CTNNAL1: variants seen among roughly 807,000 people sequenced by gnomAD.
CTNNAL1 encodes catenin alpha like 1.
Under a neutral mutation model 93.6 loss-of-function variants are expected in CTNNAL1, and 69 were observed. The ratio of observed to expected loss-of-function variants is 0.74; its 90% CI spans 0.61 to 0.90. The LOEUF (loss-of-function observed/expected upper bound fraction) is 0.90. Among genes scored for constraint, CTNNAL1 ranks in the 40% least tolerant of loss-of-function variants. The pLI is 0.00. For missense variants in CTNNAL1, 836 were observed against 862.0 expected (o/e 0.97, Z 0.38); for synonymous variants, 286 against 305.4 (o/e 0.94, Z 0.66).
chr9:109,012,886 G>C (rs1355085048), intron 1 of CTNNAL1, among the ~76,000 whole-genome samples: 1 of 152,168 alleles, frequency 6.6e-6, no homozygotes, highest in African/African-American at 2.4e-5. Flanking sequence ...TGACAAAGTC[G>C]GTTATCGTGG....
At chr9:108,943,869 A>G in intron 16 of CTNNAL1, 53 bp from the exon 17 acceptor site, 1 of 1,604,062 alleles carries the variant, frequency 6.2e-7, no homozygotes, top group Non-Finnish European at 8.5e-7. Flanking sequence ...TCCATCTTTA[A>G]TACCTTAAAC....
intron 14 of CTNNAL1, among the ~76,000 whole-genome samples, chr9:108,951,019 T>C (rs889993114): frequency 1.3e-4 from 19 of 151,796 alleles, no homozygotes; most frequent in Admixed American, 1.3e-4. Flanking sequence ...TATTTATTTA[T>C]TTATTTTTGA....
intron 2 of CTNNAL1, among the ~76,000 whole-genome samples, chr9:108,997,180 TC>T (rs1832054607): frequency 6.6e-6 from 1 of 152,184 alleles, no homozygotes; most frequent in African/African-American, 2.4e-5. Context: ...TGGCTAGAAA[TC>T]CAAAAGTCAA....
chr9:108,976,780 C>T (rs989690200), intron 8 of CTNNAL1, among the ~76,000 whole-genome samples, 182 bp downstream of exon 8: 5 of 152,168 alleles, frequency 3.3e-5, no homozygotes, highest in Admixed American at 3.3e-4. Context: ...GATCCTCCCA[C>T]CTTGGCCTCC....
intron 11 of CTNNAL1, among the ~76,000 whole-genome samples, chr9:108,956,818 T>G (rs954311476): frequency 2.6e-5 from 4 of 152,108 alleles, no homozygotes; most frequent in Non-Finnish European, 5.9e-5. Context: ...CACATGTGAC[T>G]ACTTAGCACT....
intron 1 of CTNNAL1, among the ~76,000 whole-genome samples, chr9:109,011,286 T>C (rs1212188283): frequency 6.6e-6 from 1 of 152,106 alleles, no homozygotes; most frequent in Admixed American, 6.5e-5. Context: ...GTTATGGTGT[T>C]GTGGTAGAGA....
At chr9:108,977,706 TAG>T (rs1373281786) in intron 7 of CTNNAL1, among the ~76,000 whole-genome samples, 1 of 152,224 alleles carries the variant, frequency 6.6e-6, no homozygotes, top group Non-Finnish European at 1.5e-5. Context: ...TGGTAGGTCG[TAG>T]ATATTCAATT....
Position 108,979,272 on chromosome 9 carries a change from A to C in CTNNAL1, c.1101+9T>G, listed in dbSNP as rs1831352951. ...TAAGATTTACTTTGATTTTAAAAAA[A>C]GTTCTTACAGCTTGAATCCACACAG... On this transcript the variant is annotated intron_variant, in intron 7 of 18. Transcript: ENST00000325551. 6.2e-7 allele frequency: 1 copy of C among 1,613,640 alleles called. No homozygotes were observed.
intron 2 of CTNNAL1, among the ~76,000 whole-genome samples, chr9:108,998,024 C>T (rs898999981): frequency 2.0e-5 from 3 of 152,236 alleles, no homozygotes; most frequent in African/African-American, 7.2e-5. Context: ...AGAACATAGT[C>T]CAAAATTCCC....
chr9:108,993,724 T>A (rs1330104724), intron 2 of CTNNAL1, among the ~76,000 whole-genome samples: 1 of 152,236 alleles, frequency 6.6e-6, no homozygotes, highest in Non-Finnish European at 1.5e-5. Context: ...TTTAAAATAA[T>A]AAACCTTTAA....
intron 1 of CTNNAL1, among the ~76,000 whole-genome samples, chr9:109,004,642 C>G (rs182577217): frequency 6.6e-6 from 1 of 151,932 alleles, no homozygotes; most frequent in Non-Finnish European, 1.5e-5. Context: ...AAAAATTAGC[C>G]GGGCATGGTG....
At chr9:108,966,908 C>T (rs973548471) in intron 10 of CTNNAL1, among the ~76,000 whole-genome samples, 5 of 152,160 alleles carry the variant, frequency 3.3e-5, no homozygotes, top group East Asian at 1.9e-4. Context: ...TAGAAGCCAT[C>T]GACCAGACCC....
In CTNNAL1 at chr9:108,976,876, A is replaced by G. The variant is rs968406779; in HGVS notation, c.1188+86T>C. ...AACCATTTTCTAGGCACAGAGACAT[A>G]CTAATAATACTAATGTATTTCATAC... On this transcript the variant is annotated intron_variant, in intron 8 of 18. Coordinates refer to ENST00000325551, the MANE Select transcript of CTNNAL1 (RefSeq NM_003798.4). The G allele has an allele frequency of 1.3e-5, 7 of 540,784 alleles. No individual in the cohort carries two copies. In the African/African-American group the frequency reaches 1.4e-4, roughly 11 times the overall value. The allele number at this position is 540,784 out of a possible 1,614,324, so 33.5% of individuals were successfully genotyped here. A position where few individuals can be genotyped will look rare whatever the true frequency, so the allele number is the denominator to read the frequency against.
At chr9:108,983,793 G>A (rs1831513962) in intron 5 of CTNNAL1, among the ~76,000 whole-genome samples, 1 of 152,182 alleles carries the variant, frequency 6.6e-6, no homozygotes, top group African/African-American at 2.4e-5. Context: ...CTAGCATGGG[G>A]TAAATACTCT....
intron 12 of CTNNAL1, among the ~76,000 whole-genome samples, chr9:108,954,910 TACTC>T (rs967303381): frequency 2.0e-5 from 3 of 152,296 alleles, no homozygotes; most frequent in Middle Eastern, 3.4e-3. Context: ...TCTCTTCTGA[TACTC>T]ACCATCTGTT....
At chr9:108,968,691 C>T (rs1299848578) in intron 10 of CTNNAL1, among the ~76,000 whole-genome samples, 1 of 152,136 alleles carries the variant, frequency 6.6e-6, no homozygotes, top group Non-Finnish European at 1.5e-5. Flanking sequence ...AAGCCTTTGA[C>T]ACTGTTCTCT....
chr9:108,969,131 G>T (rs1201985614), intron 10 of CTNNAL1, among the ~76,000 whole-genome samples: 1 of 151,798 alleles, frequency 6.6e-6, no homozygotes, highest in East Asian at 1.9e-4. Context: ...TTAGCCAGAC[G>T]TGGTGGCATA....
At chr9:109,010,854 A>G (rs1157840266) in intron 1 of CTNNAL1, among the ~76,000 whole-genome samples, 2 of 152,204 alleles carry the variant, frequency 1.3e-5, no homozygotes, top group Admixed American at 6.5e-5. Flanking sequence ...CTCCTCCATG[A>G]CATCACTGCT....
At chr9:108,948,663 C>T (rs1830473190) in intron 14 of CTNNAL1, among the ~76,000 whole-genome samples, 1 of 152,124 alleles carries the variant, frequency 6.6e-6, no homozygotes. Flanking sequence ...AGTTATCTAA[C>T]CTTGATGAGG....
Sources: allele counts gnomAD v4.1 joint callset (sites outside exome capture counted in the v4.1 genomes callset), GRCh38; gene constraint gnomAD v4.1.1; transcripts MANE v1.5; gene names NCBI Gene and HGNC (gene_info 2026-07-23, HGNC 2026-07-21).